NOL4: variants seen among roughly 807,000 people sequenced by gnomAD.
NOL4 encodes cancer/testis antigen 125.
A neutral mutation model predicts 75.9 loss-of-function variants in NOL4; 17 were observed. That is an observed-to-expected ratio of 0.22 (90% CI 0.15 to 0.34). The LOEUF is 0.34. NOL4 is among the 10% of genes least tolerant of loss of function. NOL4 has a pLI of 1.00. For missense variants in NOL4, 614 were observed against 793.5 expected (o/e 0.77, Z 2.72); for synonymous variants, 292 against 289.9 (o/e 1.01, Z -0.07).
At chr18:34,142,159 A>T (rs573374225) in intron 1 of NOL4, among the ~76,000 whole-genome samples, 8 of 152,316 alleles carry the variant, frequency 5.3e-5, no homozygotes, top group African/African-American at 1.7e-4. Flanking sequence ...TAGAATGGTG[A>T]TCATTAAAAA....
chr18:34,125,679 T>C (rs1375855934), intron 2 of NOL4, among the ~76,000 whole-genome samples: 1 of 152,180 alleles, frequency 6.6e-6, no homozygotes, highest in Non-Finnish European at 1.5e-5. Context: ...CTGTAGAGAT[T>C]CTACATGAAT....
intron 6 of NOL4, among the ~76,000 whole-genome samples, chr18:34,015,055 G>A (rs141364423): frequency 6.6e-6 from 1 of 152,006 alleles, no homozygotes; most frequent in Non-Finnish European, 1.5e-5. Flanking sequence ...ACTTCAAAAG[G>A]TCACACAGAA....
intron 9 of NOL4, among the ~76,000 whole-genome samples, chr18:33,922,881 A>G (rs1432573805): frequency 6.6e-6 from 1 of 152,146 alleles, no homozygotes; most frequent in Non-Finnish European, 1.5e-5. Flanking sequence ...TTTTGATTCT[A>G]AATATCGAAT....
At chr18:34,012,799 G>GC (rs1050514703) in intron 6 of NOL4, among the ~76,000 whole-genome samples, 2 of 151,964 alleles carry the variant, frequency 1.3e-5, no homozygotes, top group Non-Finnish European at 2.9e-5. Context: ...AAATGCCATT[G>GC]CAAGTATTTG....
At position 34,209,356 on chromosome 18, in the gene NOL4, A is replaced by C. The variant is rs937723627; in HGVS notation, c.264+13634T>G. 9.9e-5 allele frequency among the ~76,000 whole-genome samples: 15 copies of C among 152,264 alleles called. No homozygotes were observed. The East Asian group carries it at 2.5e-3, about 25-fold the overall frequency. On this transcript the variant is annotated intron_variant, in intron 1 of 10. Coordinates refer to ENST00000261592, the MANE Select transcript of NOL4 (RefSeq NM_003787.5). ...TTTGATAAAAAACAGCAGAATTGAAAGTTATATTTTAAACCATAACTCTAA... is the reference window on the plus strand; with the variant it reads ...TTTGATAAAAAACAGCAGAATTGAACGTTATATTTTAAACCATAACTCTAA...
At chr18:34,139,210 T>A (rs1230824714) in intron 1 of NOL4, among the ~76,000 whole-genome samples, 1 of 152,158 alleles carries the variant, frequency 6.6e-6, no homozygotes, top group Admixed American at 6.6e-5. Context: ...TTAGGGAGGA[T>A]TCCCTCTTTT....
chr18:34,184,776 T>C (rs2034327673), intron 1 of NOL4, among the ~76,000 whole-genome samples: 1 of 152,142 alleles, frequency 6.6e-6, no homozygotes, highest in South Asian at 2.1e-4. Context: ...GGAAGGGCAC[T>C]TCCAGCTGAC....
chr18:34,079,338 TG>T (rs1452884612), intron 5 of NOL4, among the ~76,000 whole-genome samples: 2 of 152,072 alleles, frequency 1.3e-5, no homozygotes, highest in Non-Finnish European at 2.9e-5. Context: ...TCAGGACTTC[TG>T]TGTCCTGAAT....
chr18:33,983,836 T>G (rs1052902760), intron 6 of NOL4, among the ~76,000 whole-genome samples: 2 of 152,144 alleles, frequency 1.3e-5, no homozygotes, highest in African/African-American at 4.8e-5. Flanking sequence ...TTAGATTGAA[T>G]CATACAGACT....
At chr18:34,210,757 G>T (rs912284299) in intron 1 of NOL4, among the ~76,000 whole-genome samples, 3 of 152,164 alleles carry the variant, frequency 2.0e-5, no homozygotes, top group Admixed American at 6.5e-5. Flanking sequence ...TAACTATGTT[G>T]ATTAAGTTTT....
At chr18:34,069,425 C>T (rs531168609) in intron 5 of NOL4, among the ~76,000 whole-genome samples, 45 of 152,114 alleles carry the variant, frequency 3.0e-4, no homozygotes, top group African/African-American at 1.1e-3. Context: ...AATACACATA[C>T]AATTATGTAA....
chr18:33,908,059 AGATT>A (rs1410568318), intron 9 of NOL4, among the ~76,000 whole-genome samples: 2 of 152,174 alleles, frequency 1.3e-5, no homozygotes, highest in African/African-American at 4.8e-5. Flanking sequence ...AATTATGGTT[AGATT>A]GATTGTCACA....
In NOL4 at chr18:33,870,259, G is replaced by A. The variant is rs939790133; in HGVS notation, c.1723+12985C>T. 3.9e-5 allele frequency among the ~76,000 whole-genome samples: 6 copies of A among 152,082 alleles called. No homozygotes were observed. In the Admixed American group the frequency reaches 3.9e-4, roughly 10 times the overall value. The stretch of plus-strand genomic sequence containing the variant: ...AACCAGGAACAAAAAGACAGATGCT[G>A]CATGATCTCACTCATATGTGGAATC... On this transcript the variant is annotated intron_variant, in intron 10 of 10. Coordinates refer to ENST00000261592, the MANE Select transcript of NOL4 (RefSeq NM_003787.5).
rs561647691 is a variant in NOL4 at position 33,948,076 on chromosome 18, A to G, written c.1429-4898T>C. ...ATGCCACAGGATTTTTGCAATTACA[A>G]AAAAGTACAAAGAAATTTAAGAATG... On this transcript the variant is annotated intron_variant, in intron 8 of 10. Coordinates refer to ENST00000261592, the MANE Select transcript of NOL4 (RefSeq NM_003787.5). Among the ~76,000 whole-genome samples, 30 of 151,984 alleles carry G rather than the reference A, an allele frequency of 2.0e-4. No homozygotes were observed. In the South Asian group the frequency reaches 6.2e-3, roughly 32 times the overall value.
chr18:34,126,613 T>C (rs1023080897), intron 2 of NOL4, among the ~76,000 whole-genome samples: 3 of 152,084 alleles, frequency 2.0e-5, no homozygotes, highest in Admixed American at 1.3e-4. Context: ...ATTTAAGAAA[T>C]GTGTCTGAAC....
At chr18:33,921,562 G>A (rs2145276536) in intron 9 of NOL4, among the ~76,000 whole-genome samples, 1 of 152,158 alleles carries the variant, frequency 6.6e-6, no homozygotes, top group Non-Finnish European at 1.5e-5. Context: ...ATTCTTTTAG[G>A]AAGAGGAGAA....
intron 6 of NOL4, among the ~76,000 whole-genome samples, chr18:33,989,719 C>T (rs1036320678): frequency 6.6e-6 from 1 of 151,980 alleles, no homozygotes; most frequent in Non-Finnish European, 1.5e-5. Flanking sequence ...GTTAGTAAAG[C>T]TATTAGAATA....
chr18:33,865,358 T>A (rs1165128158), intron 10 of NOL4, among the ~76,000 whole-genome samples: 1 of 152,140 alleles, frequency 6.6e-6, no homozygotes, highest in East Asian at 1.9e-4. Context: ...ATATAAATAT[T>A]TGTTATACTG....
intron 1 of NOL4, among the ~76,000 whole-genome samples, chr18:34,210,396 C>A (rs1471878855): frequency 6.6e-6 from 1 of 152,094 alleles, no homozygotes; most frequent in Non-Finnish European, 1.5e-5. Flanking sequence ...TTGTAATGCA[C>A]TGAATTTAAA....
Sources: allele counts gnomAD v4.1 joint callset (sites outside exome capture counted in the v4.1 genomes callset), GRCh38; gene constraint gnomAD v4.1.1; transcripts MANE v1.5; gene names NCBI Gene and HGNC (gene_info 2026-07-23, HGNC 2026-07-21).